Variants in CDC14A observed in about 807,000 individuals in gnomAD.
CDC14A encodes dual specificity protein phosphatase CDC14A.
Under a neutral mutation model 74.4 loss-of-function variants are expected in CDC14A, and 53 were observed. The observed-to-expected ratio is 0.71, with a 90% CI of 0.57 to 0.89. The LOEUF is 0.89. Among genes scored for constraint, CDC14A ranks in the 40% least tolerant of loss-of-function variants. The pLI is 0.00. For missense variants in CDC14A, 646 were observed against 713.7 expected, an observed-to-expected ratio of 0.91 and a Z score of 1.08; for synonymous variants, 247 against 258.4, an observed-to-expected ratio of 0.96 and a Z score of 0.43.
At chr1:100,411,862 A>G (rs555905134) in intron 4 of CDC14A, among the ~76,000 whole-genome samples, 1 of 152,298 alleles carries the variant, frequency 6.6e-6, no homozygotes, top group Non-Finnish European at 1.5e-5. Context: ...CAAGTTGGTG[A>G]TGTGCTGGTG....
chr1:100,361,870 G>A, intron 2 of CDC14A, among the ~76,000 whole-genome samples: 1 of 152,172 alleles, frequency 6.6e-6, no homozygotes, highest in South Asian at 2.1e-4. Context: ...GGTCAGTTAG[G>A]CTATGGAAGA....
Position 100,412,952 on chromosome 1 carries a change from G to A in CDC14A, c.310-11270G>A, listed in dbSNP as rs545214430. ...AACGATTAATTCTGCAGCTACTTGGGAGGCTGAGGCAGGAGAATCACTTAA... is the reference window on the plus strand; with the variant it reads ...AACGATTAATTCTGCAGCTACTTGGAAGGCTGAGGCAGGAGAATCACTTAA... On this transcript the variant is annotated intron_variant, in intron 4 of 15. Transcript: ENST00000336454. 1.3e-5 allele frequency among the ~76,000 whole-genome samples: 2 copies of A among 150,872 alleles called. 1 individual carries two copies. The highest frequency in any genetic ancestry group is 4.2e-4 in the South Asian group (2 of 4,780).
rs983558100 is a variant in CDC14A at position 100,499,343 on chromosome 1, A to C, written c.1755+81A>C. The C allele has an allele frequency of 1.5e-5, 25 of 1,613,666 alleles. No homozygotes were observed. In the African/African-American group the frequency reaches 2.9e-4, roughly 19 times the overall value. On this transcript the variant is annotated intron_variant, in intron 15 of 15. Coordinates refer to ENST00000336454, the MANE Select transcript of CDC14A (RefSeq NM_003672.4). ...CCTTGCCTTCCCAGCCGAGGCTGCC[A>C]CCAAAGAAATTTAATAGTGCCAAGG...
chr1:100,450,167 T>G (rs1014971512), intron 7 of CDC14A, among the ~76,000 whole-genome samples: 6 of 152,216 alleles, frequency 3.9e-5, no homozygotes, highest in African/African-American at 1.4e-4. Context: ...AAGTAAATTT[T>G]CAGATTGACC....
intron 15 of CDC14A, among the ~76,000 whole-genome samples, chr1:100,512,853 A>G (rs920475641): frequency 2.0e-5 from 3 of 152,206 alleles, no homozygotes; most frequent in African/African-American, 4.8e-5. Context: ...TATGATGCCA[A>G]TAAAACCATA....
At position 100,499,150 on chromosome 1, in the gene CDC14A, A is replaced by G; in HGVS notation, c.1643A>G (p.Asn548Ser). ...RSSNSNGGNL[N>S]SPPGPHSAKT... ...AGCAACAGCAACGGGGGCAACCTGA[A>G]CAGCCCCCCAGGCCCCCACAGCGCC... The change falls in exon 15 of 16, where the codon AAC (asparagine) becomes AGC (serine). Residue 548 changes from asparagine to serine, a missense_variant. Asn to Ser is a conservative substitution (Grantham distance 46). Coordinates refer to ENST00000336454, the MANE Select transcript of CDC14A (RefSeq NM_003672.4). The G allele has an allele frequency of 6.2e-7, 1 of 1,614,172 alleles. No homozygotes were observed. The highest frequency in any genetic ancestry group is 8.5e-7 in the Non-Finnish European group (1 of 1,180,020).
At chr1:100,400,852 G>A (rs1324072082) in intron 4 of CDC14A, among the ~76,000 whole-genome samples, 1 of 152,086 alleles carries the variant, frequency 6.6e-6, no homozygotes, top group Non-Finnish European at 1.5e-5. Flanking sequence ...AAGTTAAGGT[G>A]CATCAATCTT....
rs570714851 is a variant in CDC14A, at chr1:100,458,404, T to G, written c.607+2912T>G. Among the ~76,000 whole-genome samples the G allele has an allele frequency of 3.3e-5, 5 of 152,348 alleles. No individual in the cohort carries two copies. In the South Asian group the frequency reaches 6.2e-4, roughly 19 times the overall value. ...ATATCGCTCTATATGCATATTTTAT[T>G]CTATGCATGTATTGTGCCCTGTCAT... On this transcript the variant is annotated intron_variant, in intron 8 of 15. Coordinates refer to ENST00000336454, the MANE Select transcript of CDC14A (RefSeq NM_003672.4).
chr1:100,370,245 A>G (rs1654274854), intron 2 of CDC14A, among the ~76,000 whole-genome samples: 1 of 151,544 alleles, frequency 6.6e-6, no homozygotes, highest in Admixed American at 6.6e-5. Flanking sequence ...TAGCCTCTCA[A>G]AGTGTTGGGA....
intron 10 of CDC14A, among the ~76,000 whole-genome samples, chr1:100,476,833 G>C (rs1668953659): frequency 6.6e-6 from 1 of 152,104 alleles, no homozygotes; most frequent in Admixed American, 6.5e-5. Context: ...GAATGTTACT[G>C]TATATGGAAA....
chr1:100,406,930 TAAA>T (rs1214895761), intron 4 of CDC14A, among the ~76,000 whole-genome samples: 2 of 108,654 alleles, frequency 1.8e-5, no homozygotes, highest in Non-Finnish European at 2.0e-5. Context: ...CTGTCTCAAA[TAAA>T]AAAAAAAAAA....
chr1:100,439,023 G>C (rs1302980275), intron 5 of CDC14A, among the ~76,000 whole-genome samples: 2 of 152,200 alleles, frequency 1.3e-5, no homozygotes, highest in African/African-American at 4.8e-5. Flanking sequence ...TTGGAACACT[G>C]TAGTGTTAAA....
At chr1:100,353,715 T>G (rs1486948881) in intron 1 of CDC14A, 47 bp from the exon 2 acceptor site, 3 of 990,800 alleles carry the variant, frequency 3.0e-6, no homozygotes, top group Non-Finnish European at 4.7e-6. Context: ...CACTTCCACT[T>G]CTCTACTTCT....
chr1:100,352,834 C>T lies in CDC14A; in HGVS notation c.-121C>T. On this transcript the variant is annotated 5_prime_UTR_variant, in exon 1 of 16. Transcript: ENST00000336454. The stretch of plus-strand genomic sequence containing the variant: ...CGCCTTCGGCGCCTGCTGCCTCCCT[C>T]GGCCAGGCTTGTTGTTCGGGACTGT... 1 of 1,516,084 alleles carries T rather than the reference C, an allele frequency of 6.6e-7. No homozygotes were observed. Among genetic ancestry groups the T allele is most frequent in the East Asian group, 2.4e-5 (1 of 40,878 alleles). 93.9% of individuals were successfully genotyped at this position (1,516,084 alleles called of 1,614,324 possible).
intron 2 of CDC14A, among the ~76,000 whole-genome samples, chr1:100,364,197 CATCT>C (rs1653212430): frequency 6.6e-6 from 1 of 151,642 alleles, no homozygotes; most frequent in African/African-American, 2.4e-5. Context: ...TATGGATGAT[CATCT>C]TTTTTTTTTT....
chr1:100,476,147 C>T (rs939522141), intron 10 of CDC14A, among the ~76,000 whole-genome samples: 7 of 152,068 alleles, frequency 4.6e-5, no homozygotes, highest in Non-Finnish European at 7.4e-5. Context: ...GGCTTTTCTT[C>T]GGGCTTTAAA....
At chr1:100,346,076 C>T (rs1650391978) in intron 1 of CDC14A, among the ~76,000 whole-genome samples, 1 of 152,108 alleles carries the variant, frequency 6.6e-6, no homozygotes, top group Non-Finnish European at 1.5e-5. Context: ...GAGGCTGAGG[C>T]AGGAGAATTG....
intron 5 of CDC14A, among the ~76,000 whole-genome samples, chr1:100,436,990 A>G (rs926486437): frequency 2.6e-5 from 4 of 152,110 alleles, no homozygotes; most frequent in East Asian, 1.9e-4. Flanking sequence ...GTTCCAGACC[A>G]GTCTGGGCAA....
At chr1:100,439,590 A>G (rs1015240014) in intron 5 of CDC14A, among the ~76,000 whole-genome samples, 5 of 152,214 alleles carry the variant, frequency 3.3e-5, no homozygotes, top group Non-Finnish European at 7.3e-5. Context: ...GATAGCTGCT[A>G]TCATTAACTT....
Sources: gnomAD v4.1 joint callset for allele counts (sites outside exome capture counted in the v4.1 genomes callset) on GRCh38, gnomAD v4.1.1 for gene constraint, MANE v1.5 for transcripts, NCBI Gene and HGNC (gene_info 2026-07-23, HGNC 2026-07-21) for gene names.